The following TRHDE variants were observed in gnomAD, a reference collection of about 807,000 sequenced individuals.
TRHDE encodes thyrotropin releasing hormone degrading enzyme.
TRHDE carries 72 observed loss-of-function variants against 125.7 expected under a neutral mutation model. The observed-to-expected ratio is 0.57, with a 90% confidence interval of 0.47 to 0.70. The LOEUF is 0.70. TRHDE is among the 30% of genes least tolerant of loss of function. The pLI, the probability that TRHDE is intolerant of heterozygous loss-of-function variation, is 0.00. For missense variants in TRHDE, 1,110 were observed against 1,327.1 expected, an observed-to-expected ratio of 0.84 and a Z score of 2.54; for synonymous variants, 509 against 509.1, an observed-to-expected ratio of 1.00 and a Z score of 0.00.
chr12:72,214,773 C>T (rs1877850637), intron 2 of TRHDE, among the ~76,000 whole-genome samples: 4 of 152,104 alleles, frequency 2.6e-5, no homozygotes, highest in Admixed American at 2.6e-4. Flanking sequence ...TGATTAAAAT[C>T]CATATTTAAT....
At chr12:72,101,189 G>T (rs945835998) in intron 1 of TRHDE, among the ~76,000 whole-genome samples, 2 of 152,254 alleles carry the variant, frequency 1.3e-5, no homozygotes, top group African/African-American at 4.8e-5. Context: ...AATTTTGCAT[G>T]GCTAATGAAG....
intron 2 of TRHDE, among the ~76,000 whole-genome samples, chr12:72,298,577 G>A (rs1014917775): frequency 2.6e-5 from 4 of 152,110 alleles, no homozygotes; most frequent in Non-Finnish European, 2.9e-5. Flanking sequence ...GTAGAATGTT[G>A]TGTAATACTG....
upstream of TRHDE, among the ~76,000 whole-genome samples, chr12:72,267,878 G>T (rs1277451833): frequency 1.3e-5 from 2 of 151,934 alleles, no homozygotes; most frequent in Non-Finnish European, 2.9e-5. Context: ...AATTATAGCT[G>T]ATTTTAAATA....
In TRHDE at chr12:72,653,152, A is replaced by G; in HGVS notation, c.2980A>G (p.Thr994Ala). 6.2e-7 allele frequency: 1 copy of G among 1,606,060 alleles called. No homozygotes were observed. Among genetic ancestry groups the G allele is most frequent in the Non-Finnish European group, 8.5e-7 (1 of 1,176,262 alleles). ...CAGGGATAAATGGAAGATATTAAAT[A>G]CCAGGTAGAAATTAGAATTCTTACT... ...FFRDKWKILNTRYGEALFMNS... is the reference protein window; with the variant it reads ...FFRDKWKILNARYGEALFMNS... The change falls in exon 17 of 19, where the codon ACC (threonine) becomes GCC (alanine). Residue 994 changes from threonine to alanine, a missense_variant. Physicochemically the swap from Thr to Ala is moderately conservative, Grantham distance 58. Transcript: ENST00000261180.
At position 72,664,883 on chromosome 12, in the gene TRHDE, T is replaced by A. The variant is rs765337172; in HGVS notation, c.*1688T>A. ...TACCACCTAAAACTGAATTTTATCA[T>A]ATAAGCAAGTAATACCTATTAGTCA... On this transcript the variant is annotated 3_prime_UTR_variant, in exon 19 of 19. Transcript: ENST00000261180. 2 of 152,066 alleles carry A rather than the reference T, an allele frequency of 1.3e-5. No individual in the cohort carries two copies. The highest frequency in any genetic ancestry group is 2.4e-5 in the African/African-American group (1 of 41,444). The allele number at this position is 152,066 out of a possible 1,614,324, so 9.4% of individuals were successfully genotyped here. A position where few individuals can be genotyped will look rare whatever the true frequency, so the allele number is the denominator to read the frequency against.
At chr12:72,330,236 G>T (rs1869524397) in intron 2 of TRHDE, among the ~76,000 whole-genome samples, 1 of 150,088 alleles carries the variant, frequency 6.7e-6, no homozygotes, top group South Asian at 2.2e-4. Flanking sequence ...TTATGGAAAA[G>T]TTTTACTGTT....
chr12:72,329,566 A>G (rs1869491099), intron 2 of TRHDE, among the ~76,000 whole-genome samples: 1 of 152,152 alleles, frequency 6.6e-6, no homozygotes, highest in African/African-American at 2.4e-5. Context: ...CAAAAAACCA[A>G]TTTCTTTGGT....
intron 2 of TRHDE, among the ~76,000 whole-genome samples, chr12:72,115,084 C>T (rs1875411646): frequency 6.6e-6 from 1 of 151,956 alleles, no homozygotes; most frequent in Non-Finnish European, 1.5e-5. Context: ...CTTTGTGTTG[C>T]AAACAATCCA....
chr12:72,157,034 G>A (rs934908997), intron 2 of TRHDE, among the ~76,000 whole-genome samples: 37 of 152,132 alleles, frequency 2.4e-4, no homozygotes, highest in African/African-American at 8.2e-4. Context: ...TCCAAGCAGT[G>A]AACAAGTGAG....
intron 2 of TRHDE, among the ~76,000 whole-genome samples, chr12:72,169,800 C>A (rs1876830863): frequency 6.6e-6 from 1 of 152,160 alleles, no homozygotes; most frequent in South Asian, 2.1e-4. Flanking sequence ...TCCTTCAAGG[C>A]TCTGTCTCCA....
At chr12:72,219,562 T>C (rs1877962081) in intron 2 of TRHDE, among the ~76,000 whole-genome samples, 1 of 152,220 alleles carries the variant, frequency 6.6e-6, no homozygotes, top group Middle Eastern at 3.4e-3. Flanking sequence ...CTGGGTCACA[T>C]GCTCAGCCCT....
chr12:72,218,073 G>A (rs555743496), intron 2 of TRHDE, among the ~76,000 whole-genome samples: 12 of 151,782 alleles, frequency 7.9e-5, no homozygotes, highest in Non-Finnish European at 1.3e-4. Flanking sequence ...TCATTTATTG[G>A]AACAGATGTG....
chr12:72,205,462 T>C (rs1318145329), intron 2 of TRHDE, among the ~76,000 whole-genome samples: 1 of 152,114 alleles, frequency 6.6e-6, no homozygotes, highest in Non-Finnish European at 1.5e-5. Flanking sequence ...TCTCTAGAAC[T>C]GTTTCATTTT....
chr12:72,457,062 A>T (rs559073181), intron 3 of TRHDE, among the ~76,000 whole-genome samples: 2 of 152,290 alleles, frequency 1.3e-5, no homozygotes, highest in East Asian at 3.9e-4. Context: ...TCATAATTTG[A>T]TCAATGCCTC....
chr12:72,088,010 G>C (rs543100026), intron 1 of TRHDE, among the ~76,000 whole-genome samples: 3 of 152,210 alleles, frequency 2.0e-5, no homozygotes, highest in Admixed American at 2.0e-4. Flanking sequence ...GAGGGTTCAG[G>C]ATTTGGAGGA....
At chr12:72,422,192 A>G (rs919298261) in intron 3 of TRHDE, among the ~76,000 whole-genome samples, 1 of 152,152 alleles carries the variant, frequency 6.6e-6, no homozygotes, top group Non-Finnish European at 1.5e-5. Flanking sequence ...GGTTCTTAGA[A>G]CAGTGACAAG....
chr12:72,450,046 C>G (rs1362180089), intron 3 of TRHDE, among the ~76,000 whole-genome samples: 1 of 151,796 alleles, frequency 6.6e-6, no homozygotes, highest in Non-Finnish European at 1.5e-5. Flanking sequence ...AGTTAATTAC[C>G]AAGTCCTGCC....
At chr12:72,430,670 T>C (rs537498528) in intron 3 of TRHDE, among the ~76,000 whole-genome samples, 4 of 152,074 alleles carry the variant, frequency 2.6e-5, no homozygotes, top group Admixed American at 6.6e-5. Context: ...TATTGATTCC[T>C]ATTACCTTAA....
intron 3 of TRHDE, among the ~76,000 whole-genome samples, chr12:72,467,384 CTT>C (rs1432545962): frequency 3.3e-5 from 5 of 152,282 alleles, no homozygotes; most frequent in Admixed American, 2.0e-4. Context: ...TTTTCTCTCT[CTT>C]AGCACTCTTA....
Sources: gnomAD v4.1 joint callset for allele counts (sites outside exome capture counted in the v4.1 genomes callset) on GRCh38, gnomAD v4.1.1 for gene constraint, MANE v1.5 for transcripts, NCBI Gene and HGNC (gene_info 2026-07-23, HGNC 2026-07-21) for gene names.